GDAP1: variants seen among roughly 807,000 people sequenced by gnomAD.
The protein encoded by GDAP1 is ganglioside-induced differentiation-associated protein 1.
GDAP1 carries 34 observed loss-of-function variants against 40.1 expected under a neutral mutation model. That is an observed-to-expected ratio of 0.85 (90% CI 0.64 to 1.13). The LOEUF (loss-of-function observed/expected upper bound fraction) is 1.13, where lower values mean the gene tolerates loss of function less well. Among genes scored for constraint, GDAP1 ranks in the 50% most tolerant of loss-of-function variants. The pLI is 0.00. For missense variants in GDAP1, 374 were observed against 433.7 expected, an observed-to-expected ratio of 0.86 and a Z score of 1.22; for synonymous variants, 170 against 157.4, an observed-to-expected ratio of 1.08 and a Z score of -0.60.
At chr8:74,368,873 C>T (rs1414910786), downstream of GDAP1, among the ~76,000 whole-genome samples, 2 of 152,154 alleles carry the variant, frequency 1.3e-5, no homozygotes, top group Non-Finnish European at 2.9e-5. Context: ...GCCTGTAGTG[C>T]TCCCCACCCC....
chr8:74,364,296 G>T lies in GDAP1; in HGVS notation c.1006G>T (p.Ala336Ser), dbSNP rs140811185. 8.8e-5 allele frequency: 142 copies of T among 1,614,064 alleles called. No homozygotes were observed. The Middle Eastern group carries it at 4.9e-3, about 56-fold the overall frequency. Residue 336 changes from alanine (A) to serine (S), a missense_variant, in exon 6 of 6, where the codon GCT becomes TCT. By Grantham distance (99) the Ala-to-Ser change is moderately conservative. Transcript: ENST00000220822. Reference protein sequence around the residue: ...VGLLAGVGYFAFMLFRKRLGS... With the variant: ...VGLLAGVGYFSFMLFRKRLGS... ...TTTGCTTGCAGGAGTGGGATATTTT[G>T]CTTTTATGCTTTTCAGAAAGAGGCT...
At chr8:74,351,567 C>G (rs1402389911) in intron 2 of GDAP1, 101 bp downstream of exon 2, 13 of 935,712 alleles carry the variant, frequency 1.4e-5, no homozygotes, top group Non-Finnish European at 2.1e-5. Flanking sequence ...TCTCTTGTGT[C>G]ATGATGGTGG....
chr8:74,388,292 T>C (rs537212978), intron 2 of GDAP1, among the ~76,000 whole-genome samples: 2 of 152,336 alleles, frequency 1.3e-5, no homozygotes, highest in East Asian at 3.9e-4. Context: ...TTTAGATCTT[T>C]CCCACTATCT....
chr8:74,475,616 A>G (rs1439277363), intron 2 of GDAP1, among the ~76,000 whole-genome samples: 1 of 151,886 alleles, frequency 6.6e-6, no homozygotes. Flanking sequence ...TTAGTCTTGA[A>G]TGTTATTTTT....
intron 2 of GDAP1, among the ~76,000 whole-genome samples, chr8:74,419,479 C>T (rs776417021): frequency 6.6e-6 from 1 of 152,084 alleles, no homozygotes; most frequent in East Asian, 1.9e-4. Flanking sequence ...CAATGGAGAA[C>T]ATATTCGGGT....
At chr8:74,380,251 G>T (rs1327447478) in intron 2 of GDAP1, among the ~76,000 whole-genome samples, 1 of 152,154 alleles carries the variant, frequency 6.6e-6, no homozygotes, top group Non-Finnish European at 1.5e-5. Flanking sequence ...TATTGTGTGA[G>T]ATTCACGGTA....
intron 2 of GDAP1, among the ~76,000 whole-genome samples, chr8:74,422,303 TTC>T (rs1388157461): frequency 4.6e-5 from 2 of 43,292 alleles, no homozygotes; most frequent in Non-Finnish European, 3.9e-5. Context: ...CTTTCTTTCT[TTC>T]TTTCTTTCTT....
intron 2 of GDAP1, among the ~76,000 whole-genome samples, chr8:74,403,219 A>T (rs1346515342): frequency 6.7e-6 from 1 of 150,132 alleles, no homozygotes; most frequent in Non-Finnish European, 1.5e-5. Context: ...TAAAAATGAT[A>T]TAGATGCTTT....
rs144717682 is a variant in GDAP1 at position 74,356,659 on chromosome 8, AGTGTGTGT to A, written c.311-3453_311-3446del. On this transcript the variant is annotated intron_variant, in intron 2 of 5. Transcript: ENST00000220822. The stretch of plus-strand genomic sequence containing the variant: ...ATAACTTAATTGTTTAATATTATTT[AGTGTGTGT>A]GTGTGTGTGTGTGTGTGTGTGTGTT... Among the ~76,000 whole-genome samples, 130 of 122,994 alleles carry A rather than the reference AGTGTGTGT, an allele frequency of 1.1e-3. 1 individual carries two copies. The highest frequency in any genetic ancestry group is 4.9e-3 in the East Asian group (22 of 4,462). 80.7% of individuals were successfully genotyped at this position (122,994 alleles called of 152,430 possible).
At chr8:74,402,400 C>T (rs1261076179) in intron 2 of GDAP1, among the ~76,000 whole-genome samples, 2 of 150,460 alleles carry the variant, frequency 1.3e-5, no homozygotes, top group Admixed American at 6.6e-5. Flanking sequence ...TTTTTAAGCC[C>T]TTCGGAAAAG....
intron 2 of GDAP1, among the ~76,000 whole-genome samples, chr8:74,480,147 C>T (rs1471153747): frequency 3.3e-5 from 5 of 152,018 alleles, no homozygotes; most frequent in African/African-American, 1.2e-4. Context: ...TGCCACCACA[C>T]CCAGCTAATT....
At position 74,401,661 on chromosome 8, in the gene GDAP1, G is replaced by A. The variant is rs1429708839; in HGVS notation, c.165+50340G>A. Among the ~76,000 whole-genome samples, 7 of 149,680 alleles carry A rather than the reference G, an allele frequency of 4.7e-5. No homozygotes were observed. The East Asian group carries it at 5.8e-4, about 12-fold the overall frequency. ...TTAGAGTTTCCAGTTTTTCTGCTCC[G>A]TTTTTTTCCCCATCTTTGTGGTTTT... On this transcript the variant is annotated intron_variant, in intron 2 of 2. Transcript: ENST00000523640.
At chr8:74,444,244 A>C in intron 2 of GDAP1, among the ~76,000 whole-genome samples, 1 of 112,638 alleles carries the variant, frequency 8.9e-6, no homozygotes, top group South Asian at 2.8e-4. Flanking sequence ...ACACACACAC[A>C]CACACACTTC....
intron 2 of GDAP1, among the ~76,000 whole-genome samples, chr8:74,430,723 A>G (rs1167488397): frequency 3.3e-5 from 5 of 151,914 alleles, no homozygotes; most frequent in African/African-American, 1.2e-4. Flanking sequence ...CAAAAAATAA[A>G]AAAGCAATTT....
rs10957709 is a variant in GDAP1, at chr8:74,381,260, C to T, written c.165+29939C>T. ...GTAATTACATACATGTACAGAGATA[C>T]ATGAATAAAGATGTTCATGGTAGCA... is the stretch of plus-strand genomic sequence containing the variant. On this transcript the variant is annotated intron_variant, in intron 2 of 2. Transcript: ENST00000523640. Among the ~76,000 whole-genome samples, 115 of 151,970 alleles carry T rather than the reference C, an allele frequency of 7.6e-4. 1 individual carries two copies. In the South Asian group the frequency reaches 0.023, roughly 30 times the overall value.
chr8:74,462,142 G>C (rs1219538421), intron 2 of GDAP1, among the ~76,000 whole-genome samples: 1 of 152,214 alleles, frequency 6.6e-6, no homozygotes, highest in Non-Finnish European at 1.5e-5. Flanking sequence ...ATTTAAAAGA[G>C]TTAAGAATAT....
intron 2 of GDAP1, among the ~76,000 whole-genome samples, chr8:74,373,080 A>T (rs1017306486): frequency 7.2e-5 from 11 of 152,160 alleles, no homozygotes; most frequent in Admixed American, 2.0e-4. Flanking sequence ...GATGTATGGT[A>T]CTATTTCTGA....
chr8:74,372,046 G>A (rs961496837), intron 2 of GDAP1, among the ~76,000 whole-genome samples: 2 of 151,136 alleles, frequency 1.3e-5, no homozygotes, highest in Non-Finnish European at 2.9e-5. Flanking sequence ...GCGATAGTTT[G>A]CTGAGAATGA....
At chr8:74,389,410 G>A (rs1810074697) in intron 2 of GDAP1, among the ~76,000 whole-genome samples, 1 of 152,222 alleles carries the variant, frequency 6.6e-6, no homozygotes, top group Non-Finnish European at 1.5e-5. Context: ...TTTTGTAAAG[G>A]ATTTTATTTC....
Sources: gnomAD v4.1 joint callset for allele counts (sites outside exome capture counted in the v4.1 genomes callset) on GRCh38, gnomAD v4.1.1 for gene constraint, MANE v1.5 for transcripts, NCBI Gene and HGNC (gene_info 2026-07-23, HGNC 2026-07-21) for gene names.